Variants in AGBL4 observed in about 807,000 individuals in gnomAD.
The protein encoded by AGBL4 is cytosolic carboxypeptidase 6.
In AGBL4, 58 loss-of-function variants were observed where a neutral mutation model predicts 66.4. The ratio of observed to expected loss-of-function variants is 0.87; its 90% confidence interval spans 0.71 to 1.09. The LOEUF (loss-of-function observed/expected upper bound fraction) is 1.09. AGBL4 is among the 50% of genes least tolerant of loss of function. AGBL4 has a pLI of 0.00. For missense variants in AGBL4, 579 were observed against 631.0 expected (o/e 0.92, Z 0.88); for synonymous variants, 234 against 222.9 (o/e 1.05, Z -0.44).
chr1:48,972,145 C>A (rs3127552), intron 5 of AGBL4, among the ~76,000 whole-genome samples: 3 of 151,904 alleles, frequency 2.0e-5, no homozygotes, highest in Admixed American at 2.0e-4. Context: ...CTAAACTTAC[C>A]TCACTTCGTA....
chr1:49,666,662 T>C (rs1237788313), intron 3 of AGBL4, among the ~76,000 whole-genome samples: 1 of 152,108 alleles, frequency 6.6e-6, no homozygotes, highest in African/African-American at 2.4e-5. Context: ...CTTAAAATAC[T>C]GAACCAATGC....
intron 4 of AGBL4, among the ~76,000 whole-genome samples, chr1:49,116,992 T>C (rs1385160077): frequency 6.6e-6 from 1 of 152,234 alleles, no homozygotes; most frequent in African/African-American, 2.4e-5. Flanking sequence ...CATTTTTTCA[T>C]GTGTCTGTTG....
At chr1:49,648,523 C>T (rs1004193741) in intron 3 of AGBL4, among the ~76,000 whole-genome samples, 2 of 151,930 alleles carry the variant, frequency 1.3e-5, no homozygotes, top group African/African-American at 2.4e-5. Context: ...GCTCACAGAA[C>T]ACCAAGCAGG....
chr1:48,622,533 G>C (rs1232407578), intron 9 of AGBL4, among the ~76,000 whole-genome samples: 3 of 143,514 alleles, frequency 2.1e-5, no homozygotes, highest in Non-Finnish European at 4.5e-5. Context: ...ACCCAGGCTG[G>C]AGTGCAATGG....
chr1:49,778,191 C>T (rs1447976153), intron 2 of AGBL4, among the ~76,000 whole-genome samples: 1 of 152,182 alleles, frequency 6.6e-6, no homozygotes, highest in African/African-American at 2.4e-5. Flanking sequence ...TTGCATTACT[C>T]TTGCCCCAGC....
intron 3 of AGBL4, among the ~76,000 whole-genome samples, chr1:49,263,596 C>T (rs950875419): frequency 1.3e-5 from 2 of 151,992 alleles, no homozygotes; most frequent in African/African-American, 4.8e-5. Flanking sequence ...AATTTCTCAT[C>T]CATCATATCA....
At chr1:48,645,622 G>T (rs182409441) in intron 8 of AGBL4, among the ~76,000 whole-genome samples, 3 of 152,228 alleles carry the variant, frequency 2.0e-5, no homozygotes, top group African/African-American at 7.2e-5. Context: ...TTGAAGGGGG[G>T]TACCTAATCT....
intron 3 of AGBL4, among the ~76,000 whole-genome samples, chr1:49,347,774 C>T (rs1645664628): frequency 6.6e-6 from 1 of 151,288 alleles, no homozygotes. Flanking sequence ...GCAGGAGAAT[C>T]GCTTGAACCC....
At chr1:49,716,326 C>A (rs1441883229) in intron 2 of AGBL4, among the ~76,000 whole-genome samples, 1 of 151,962 alleles carries the variant, frequency 6.6e-6, no homozygotes, top group Admixed American at 6.6e-5. Context: ...TGTTTTGGTA[C>A]CAGTACCATG....
intron 3 of AGBL4, among the ~76,000 whole-genome samples, chr1:49,484,831 CAG>C: frequency 6.6e-6 from 1 of 152,024 alleles, no homozygotes; most frequent in Non-Finnish European, 1.5e-5. Context: ...TTACACATTG[CAG>C]GCCAGTATCA....
At chr1:48,674,717 G>T (rs932399434) in intron 6 of AGBL4, among the ~76,000 whole-genome samples, 23 of 152,148 alleles carry the variant, frequency 1.5e-4, no homozygotes, top group Non-Finnish European at 3.1e-4. Flanking sequence ...AGGACTAGAT[G>T]AATTAAAATA....
intron 1 of AGBL4, among the ~76,000 whole-genome samples, chr1:49,892,742 T>C (rs1397973656): frequency 6.6e-6 from 1 of 152,204 alleles, no homozygotes; most frequent in Non-Finnish European, 1.5e-5. Flanking sequence ...TGAATAAGTA[T>C]TATTATTCAT....
At chr1:48,748,154 A>G (rs932715926) in intron 6 of AGBL4, among the ~76,000 whole-genome samples, 15 of 152,202 alleles carry the variant, frequency 9.9e-5, no homozygotes, top group Non-Finnish European at 1.5e-4. Flanking sequence ...CAGCTTCATA[A>G]CAATGAAGGA....
At chr1:48,742,837 T>C in intron 6 of AGBL4, 1 of 1,425,254 alleles carries the variant, frequency 7.0e-7, no homozygotes, top group Non-Finnish European at 9.3e-7. Context: ...TATTTTTAAC[T>C]AGGCATCTAT....
intron 6 of AGBL4, among the ~76,000 whole-genome samples, chr1:48,681,835 G>T (rs1646460137): frequency 6.6e-6 from 1 of 152,212 alleles, no homozygotes; most frequent in Admixed American, 6.5e-5. Context: ...GCAGTCAAGA[G>T]ACCTGAGTGA....
intron 6 of AGBL4, among the ~76,000 whole-genome samples, chr1:48,850,724 C>A (rs531936621): frequency 1.6e-4 from 24 of 152,176 alleles, no homozygotes; most frequent in Admixed American, 1.3e-3. Flanking sequence ...ACCATGTTGC[C>A]CAGGCTGATC....
chr1:49,525,551 T>C (rs2148806294), intron 3 of AGBL4, among the ~76,000 whole-genome samples: 1 of 152,104 alleles, frequency 6.6e-6, no homozygotes, highest in South Asian at 2.1e-4. Context: ...AGGTCTATAG[T>C]AGCCTCTTGT....
chr1:49,913,939 C>A (rs1454949347), intron 1 of AGBL4, among the ~76,000 whole-genome samples: 1 of 152,190 alleles, frequency 6.6e-6, no homozygotes, highest in Non-Finnish European at 1.5e-5. Context: ...TCCCTAAAAA[C>A]AATTCTTCCC....
At chr1:49,548,862 T>C (rs1024988362) in intron 3 of AGBL4, among the ~76,000 whole-genome samples, 4 of 152,096 alleles carry the variant, frequency 2.6e-5, no homozygotes, top group Admixed American at 2.6e-4. Context: ...GTATCAATTC[T>C]TCTTTGAATG....
Sources: gnomAD v4.1 joint callset for allele counts (sites outside exome capture counted in the v4.1 genomes callset) on GRCh38, gnomAD v4.1.1 for gene constraint, MANE v1.5 for transcripts, NCBI Gene and HGNC (gene_info 2026-07-23, HGNC 2026-07-21) for gene names.